Variants in XKR9 observed in about 807,000 individuals in gnomAD.
XKR9 encodes XK related 9.
Under a neutral mutation model 32.0 loss-of-function variants are expected in XKR9, and 32 were observed. The observed-to-expected ratio is 1.00, with a 90% CI of 0.76 to 1.34. XKR9 has a LOEUF of 1.34. Ranked by LOEUF, XKR9 falls within the 40% of genes most tolerant of loss-of-function variation. The pLI is 0.00. For missense variants in XKR9, 546 were observed against 429.7 expected (o/e 1.27, Z -2.39); for synonymous variants, 168 against 143.4 (o/e 1.17, Z -1.22).
intron 3 of XKR9, among the ~76,000 whole-genome samples, chr8:70,700,493 A>G (rs1018148824): frequency 1.3e-5 from 2 of 152,318 alleles, no homozygotes; most frequent in East Asian, 3.9e-4. Context: ...GCTGCAGCAC[A>G]GCGGATTTTC....
chr8:71,010,875 G>A, the XKR9 span, among the ~76,000 whole-genome samples: 4 of 152,236 alleles, frequency 2.6e-5, no homozygotes, highest in South Asian at 4.1e-4. Flanking sequence ...CATGTTACAC[G>A]AATTCAGTTA....
the XKR9 span, among the ~76,000 whole-genome samples, chr8:70,902,712 CA>C: frequency 6.6e-6 from 1 of 152,172 alleles, no homozygotes; most frequent in African/African-American, 2.4e-5. Context: ...TGCCAGTTTT[CA>C]AAGGGAATGC....
At chr8:70,723,295 T>G (rs1181697790) in intron 4 of XKR9, among the ~76,000 whole-genome samples, 1 of 152,188 alleles carries the variant, frequency 6.6e-6, no homozygotes, top group African/African-American at 2.4e-5. Flanking sequence ...GAAGCCTACT[T>G]CTGTCAATTC....
chr8:70,948,102 C>T, the XKR9 span, among the ~76,000 whole-genome samples: 1 of 151,714 alleles, frequency 6.6e-6, no homozygotes, highest in Non-Finnish European at 1.5e-5. Context: ...CTCCTGCCCA[C>T]CCCCACCCTG....
At chr8:70,687,908 A>G (rs2132126435) in intron 3 of XKR9, among the ~76,000 whole-genome samples, 1 of 152,290 alleles carries the variant, frequency 6.6e-6, no homozygotes, top group East Asian at 1.9e-4. Context: ...CACTTGAAAC[A>G]TATGTGTTTC....
At chr8:70,801,742 G>C in the XKR9 span, among the ~76,000 whole-genome samples, 46 of 152,182 alleles carry the variant, frequency 3.0e-4, no homozygotes, top group East Asian at 6.4e-3. Flanking sequence ...TCAGTGATCT[G>C]TAATACTGTC....
the XKR9 span, among the ~76,000 whole-genome samples, chr8:71,024,195 A>G: frequency 6.6e-6 from 1 of 152,182 alleles, no homozygotes; most frequent in Non-Finnish European, 1.5e-5. Context: ...ATGCAAGTGC[A>G]CTGCAGTTCA....
At chr8:70,754,649 A>G (rs1807191766) in intron 2 of XKR9, among the ~76,000 whole-genome samples, 1 of 151,588 alleles carries the variant, frequency 6.6e-6, no homozygotes, top group African/African-American at 2.4e-5. Context: ...CCTGACAAAA[A>G]CAAGCAATGG....
chr8:70,850,380 C>T, the XKR9 span, among the ~76,000 whole-genome samples: 50 of 143,732 alleles, frequency 3.5e-4, no homozygotes, highest in East Asian at 1.7e-3. Context: ...AGGAGAATGG[C>T]GTGAACCCAG....
At chr8:70,874,492 G>A in the XKR9 span, among the ~76,000 whole-genome samples, 1 of 152,096 alleles carries the variant, frequency 6.6e-6, no homozygotes, top group Non-Finnish European at 1.5e-5. Context: ...GAGACTCTTT[G>A]TATTGCAAAC....
chr8:70,896,562 C>G, the XKR9 span, among the ~76,000 whole-genome samples: 5,712 of 146,870 alleles, frequency 0.039, 149 homozygotes, highest in South Asian at 0.082. Flanking sequence ...TTTTTTTTTT[C>G]TTGGTCAGTC....
chr8:70,936,600 G>T, the XKR9 span, among the ~76,000 whole-genome samples: 1 of 152,018 alleles, frequency 6.6e-6, no homozygotes, highest in South Asian at 2.1e-4. Flanking sequence ...GCAACAAAAT[G>T]CTTTTCAAAT....
intron 3 of XKR9, among the ~76,000 whole-genome samples, chr8:70,705,670 TATG>T (rs752053174): frequency 1.3e-5 from 2 of 152,142 alleles, no homozygotes; most frequent in African/African-American, 2.4e-5. Context: ...CCTTGTAACA[TATG>T]ATAAGGACTT....
the XKR9 span, among the ~76,000 whole-genome samples, chr8:70,850,134 C>T: frequency 6.6e-6 from 1 of 152,172 alleles, no homozygotes; most frequent in East Asian, 1.9e-4. Context: ...CCAGCATCAT[C>T]CTGATACCAA....
intron 2 of XKR9, among the ~76,000 whole-genome samples, chr8:70,753,131 A>G (rs1475778118): frequency 6.6e-6 from 1 of 152,248 alleles, no homozygotes. Context: ...AGAATACTAC[A>G]AACACCTCTA....
chr8:70,743,279 G>A (rs1807014001), intron 2 of XKR9, among the ~76,000 whole-genome samples: 1 of 151,968 alleles, frequency 6.6e-6, no homozygotes, highest in Non-Finnish European at 1.5e-5. Flanking sequence ...AAAATTTTAT[G>A]TATTTTTATA....
chr8:70,906,084 A>G, the XKR9 span, among the ~76,000 whole-genome samples: 3 of 152,230 alleles, frequency 2.0e-5, no homozygotes, highest in African/African-American at 7.2e-5. Context: ...TCAGGGACCC[A>G]CTTGAGAAGG....
At chr8:70,830,573 C>T in the XKR9 span, among the ~76,000 whole-genome samples, 40 of 152,090 alleles carry the variant, frequency 2.6e-4, no homozygotes, top group African/African-American at 8.2e-4. Context: ...GGCGACAGAA[C>T]GAGACCCTGT....
chr8:70,755,807 G>C (rs1419457960), intron 2 of XKR9, among the ~76,000 whole-genome samples: 1 of 151,498 alleles, frequency 6.6e-6, no homozygotes, highest in Non-Finnish European at 1.5e-5. Context: ...TATACCTAAT[G>C]CTAAATGACG....
Sources: gnomAD v4.1 joint callset for allele counts (sites outside exome capture counted in the v4.1 genomes callset) on GRCh38, gnomAD v4.1.1 for gene constraint, MANE v1.5 for transcripts, NCBI Gene and HGNC (gene_info 2026-07-23, HGNC 2026-07-21) for gene names.